Variants in INSR observed in about 807,000 individuals in gnomAD.
The protein encoded by INSR is IR.
A neutral mutation model predicts 142.6 loss-of-function variants in INSR; 67 were observed. That is an observed-to-expected ratio of 0.47 (90% CI 0.39 to 0.58). The LOEUF (loss-of-function observed/expected upper bound fraction) is 0.58, where lower values mean the gene tolerates loss of function less well. Among genes scored for constraint, INSR ranks in the 20% least tolerant of loss-of-function variants. INSR has a pLI of 0.00. For missense variants in INSR, 1,248 were observed against 1,833.2 expected, an observed-to-expected ratio of 0.68 and a Z score of 5.83; for synonymous variants, 756 against 743.1, an observed-to-expected ratio of 1.02 and a Z score of -0.28.
chr19:7,133,133 G>C (rs577869564), intron 13 of INSR, among the ~76,000 whole-genome samples: 2 of 151,942 alleles, frequency 1.3e-5, no homozygotes, highest in Non-Finnish European at 2.9e-5. Context: ...ACGATGGTTC[G>C]CACCTGTAGT....
At chr19:7,140,070 TGCAC>T (rs1973031552) in intron 13 of INSR, among the ~76,000 whole-genome samples, 1 of 152,144 alleles carries the variant, frequency 6.6e-6, no homozygotes. Context: ...TCAACCCTGT[TGCAC>T]ATTCTTTACA....
chr19:7,262,685 GAC>G (rs1977100884), intron 2 of INSR, among the ~76,000 whole-genome samples: 1 of 152,166 alleles, frequency 6.6e-6, no homozygotes, highest in Non-Finnish European at 1.5e-5. Context: ...AAGAATTTCC[GAC>G]ACAGGCTACC....
chr19:7,253,978 G>A (rs559711521), intron 2 of INSR, among the ~76,000 whole-genome samples: 2 of 146,746 alleles, frequency 1.4e-5, no homozygotes, highest in Non-Finnish European at 3.0e-5. Flanking sequence ...GCAGTGAGCC[G>A]AGATTGTGTC....
Position 7,135,967 on chromosome 19 carries a change from C to CA in INSR, c.2683-3651dup, listed in dbSNP as rs1012987600. On this transcript the variant is annotated intron_variant, in intron 13 of 21. Transcript: ENST00000302850. ...TGGGCTACAGAGATAGACTCCATCT[C>CA]AAAAAAAAAAAAGAAAGAATGAAAG... Among the ~76,000 whole-genome samples, 587 of 92,728 alleles carry CA rather than the reference C, an allele frequency of 6.3e-3. 4 individuals carry two copies. Among genetic ancestry groups the CA allele is most frequent in the Middle Eastern group, 0.03 (7 of 234 alleles). The allele number at this position is 92,728 out of a possible 152,430, so 60.8% of individuals were successfully genotyped here.
intron 9 of INSR, among the ~76,000 whole-genome samples, chr19:7,157,514 T>C (rs897702541): frequency 4.7e-5 from 7 of 149,588 alleles, no homozygotes; most frequent in African/African-American, 1.5e-4. Flanking sequence ...CTGCCCGCCT[T>C]GGCCTCCCAA....
intron 13 of INSR, among the ~76,000 whole-genome samples, chr19:7,137,994 C>T (rs1972979865): frequency 7.0e-6 from 1 of 142,662 alleles, no homozygotes; most frequent in East Asian, 2.1e-4. Context: ...GATGGAGTCT[C>T]ACTCTGTCGC....
chr19:7,141,570 G>T, intron 13 of INSR, 107 bp downstream of exon 13: 1 of 1,502,148 alleles, frequency 6.7e-7, no homozygotes, highest in East Asian at 2.4e-5. Flanking sequence ...TACCTGATGA[G>T]AGAAGCACTG....
chr19:7,138,294 T>C (rs1261402462), intron 13 of INSR, among the ~76,000 whole-genome samples: 1 of 152,138 alleles, frequency 6.6e-6, no homozygotes, highest in African/African-American at 2.4e-5. Flanking sequence ...TGCTGGGGGA[T>C]AACAACACAA....
intron 2 of INSR, among the ~76,000 whole-genome samples, chr19:7,226,770 G>A (rs1192918935): frequency 2.1e-5 from 3 of 143,288 alleles, no homozygotes; most frequent in African/African-American, 7.8e-5. Flanking sequence ...GTGAATCCTA[G>A]AAACAGCCCA....
intron 2 of INSR, 24 bp from the exon 3 acceptor site, chr19:7,184,661 G>GAGA (rs199750451): frequency 4.8e-4 from 616 of 1,294,070 alleles, no homozygotes; most frequent in African/African-American, 1.2e-3. Context: ...GAGAGAGAGA[G>GAGA]GGAAATAAAT....
rs1014381190 is a variant in INSR, at chr19:7,116,028, C to T, written c.*1028G>A. ...TAACTTATGAGGCTAATACCAGAGA[C>T]TTTAAAAATTAAATATGGTACAAAT... is the stretch of plus-strand genomic sequence containing the variant. On this transcript the variant is annotated 3_prime_UTR_variant, in exon 22 of 22. Transcript: ENST00000302850. 6.6e-6 allele frequency: 1 copy of T among 151,588 alleles called. No homozygotes were observed. Among genetic ancestry groups the T allele is most frequent in the African/African-American group, 2.4e-5 (1 of 41,268 alleles). 9.4% of individuals were successfully genotyped at this position (151,588 alleles called of 1,614,324 possible).
Position 7,114,545 on chromosome 19 carries a change from T to A in INSR, c.*2511A>T, listed in dbSNP as rs1972276642. The A allele has an allele frequency of 6.6e-6, 1 of 152,568 alleles. No individual in the cohort carries two copies. The allele number at this position is 152,568 out of a possible 1,614,324, so 9.5% of individuals were successfully genotyped here. ...CTCCCTCCCTCAAAATTCTTACTGG[T>A]CCCTGGCATTCGAATCAGCTGATAC... On this transcript the variant is annotated 3_prime_UTR_variant, in exon 22 of 22. Transcript: ENST00000302850.
intron 5 of INSR, among the ~76,000 whole-genome samples, chr19:7,171,011 A>G (rs1172483028): frequency 6.6e-6 from 1 of 152,162 alleles, no homozygotes; most frequent in Non-Finnish European, 1.5e-5. Context: ...GGTTTTGCAG[A>G]AACCAATTTC....
intron 1 of INSR, among the ~76,000 whole-genome samples, chr19:7,286,062 C>G (rs1297147558): frequency 6.6e-6 from 1 of 152,060 alleles, no homozygotes; most frequent in African/African-American, 2.4e-5. Flanking sequence ...TCACTGGCGC[C>G]TCGACTTCCC....
chr19:7,132,168 C>T lies in INSR; in HGVS notation c.2832G>A (p.Val944=), dbSNP rs777459625. The T allele has an allele frequency of 2.5e-6, 4 of 1,614,116 alleles. No individual in the cohort carries two copies. Among genetic ancestry groups the T allele is most frequent in the Non-Finnish European group, 2.5e-6 (3 of 1,179,980 alleles). Residue 944 remains valine (V), a synonymous_variant, in exon 14 of 22, where the codon GTG becomes GTA. Transcript: ENST00000302850. ...GSWTEPTYFY[V]TDYLDVPSNI... is the part of the protein sequence containing the mutation. ...GCCATGGAGACTTACAATAGTCTGT[C>T]ACGTAGAAATAGGTGGGTTCCGTCC...
chr19:7,290,485 A>AT (rs1416006740), intron 1 of INSR, among the ~76,000 whole-genome samples: 1 of 151,720 alleles, frequency 6.6e-6, no homozygotes, highest in Non-Finnish European at 1.5e-5. Flanking sequence ...TCAAAATGCC[A>AT]TATTGGGCCC....
intron 11 of INSR, among the ~76,000 whole-genome samples, chr19:7,149,936 A>AAG (rs1973289242): frequency 2.7e-4 from 39 of 144,280 alleles, no homozygotes; most frequent in East Asian, 1.4e-3. Context: ...AAAAAAAGAA[A>AAG]GAAGGAAGGA....
At chr19:7,226,996 T>C (rs1305035932) in intron 2 of INSR, among the ~76,000 whole-genome samples, 1 of 152,188 alleles carries the variant, frequency 6.6e-6, no homozygotes, top group Non-Finnish European at 1.5e-5. Context: ...AGTTCAAATC[T>C]TGTCTTGGAC....
intron 2 of INSR, among the ~76,000 whole-genome samples, chr19:7,253,405 T>G (rs867073018): frequency 1.6e-4 from 24 of 151,772 alleles, no homozygotes; most frequent in Middle Eastern, 3.4e-3. Flanking sequence ...GCCCGGCTTA[T>G]TTTTGTATTT....
Sources: allele counts gnomAD v4.1 joint callset (sites outside exome capture counted in the v4.1 genomes callset), GRCh38; gene constraint gnomAD v4.1.1; transcripts MANE v1.5; gene names NCBI Gene and HGNC (gene_info 2026-07-23, HGNC 2026-07-21).